The following SIDT1 variants were observed in gnomAD, a reference collection of about 807,000 sequenced individuals.
SIDT1 encodes SID1 transmembrane family, member 1.
In SIDT1, 101 loss-of-function variants were observed where a neutral mutation model predicts 107.5. The observed-to-expected ratio is 0.94, with a 90% CI of 0.80 to 1.11. SIDT1 has a LOEUF of 1.11. SIDT1 is among the 50% of genes least tolerant of loss of function. The pLI is 0.00. For synonymous variants in SIDT1, 395 were observed against 398.2 expected (o/e 0.99, Z 0.10); for missense variants, 1,076 against 1,058.2 (o/e 1.02, Z -0.23).
At chr3:113,615,462 A>C (rs1946037077) in intron 19 of SIDT1, among the ~76,000 whole-genome samples, 1 of 152,216 alleles carries the variant, frequency 6.6e-6, no homozygotes, top group Non-Finnish European at 1.5e-5. Context: ...CTGACTGTTC[A>C]TGTAACATTA....
At chr3:113,614,182 A>G (rs1244061779) in intron 19 of SIDT1, among the ~76,000 whole-genome samples, 2 of 152,184 alleles carry the variant, frequency 1.3e-5, no homozygotes, top group Non-Finnish European at 2.9e-5. Flanking sequence ...CCTCACAGGG[A>G]GGACGCCGGC....
intron 3 of SIDT1, among the ~76,000 whole-genome samples, chr3:113,568,634 A>AGAAAAAAAC (rs1942159936): frequency 6.6e-6 from 1 of 151,826 alleles, no homozygotes; most frequent in Non-Finnish European, 1.5e-5. Context: ...AAGAAAAAAA[A>AGAAAAAAAC]CAGAAATGTA....
intron 14 of SIDT1, 115 bp downstream of exon 14, chr3:113,605,091 TGGG>T: frequency 9.9e-7 from 1 of 1,007,202 alleles, no homozygotes; most frequent in Middle Eastern, 2.8e-4. Context: ...AATTTCCCAT[TGGG>T]GTTCCAATTG....
intron 24 of SIDT1, among the ~76,000 whole-genome samples, chr3:113,626,903 C>A (rs1946893026): frequency 6.6e-6 from 1 of 152,340 alleles, no homozygotes; most frequent in South Asian, 2.1e-4. Flanking sequence ...GATGCCCGGG[C>A]TCCACGCAAA....
At chr3:113,622,246 C>T (rs964582186) in intron 21 of SIDT1, among the ~76,000 whole-genome samples, 4 of 151,868 alleles carry the variant, frequency 2.6e-5, no homozygotes, top group Admixed American at 6.6e-5. Context: ...AGGTGGATCA[C>T]GAGATCAGGA....
In SIDT1 at chr3:113,532,822, G is replaced by A. The variant is rs1360263815; in HGVS notation, c.-200G>A. 9.9e-6 allele frequency: 4 copies of A among 404,672 alleles called. No homozygotes were observed. Among genetic ancestry groups the A allele is most frequent in the Middle Eastern group, 6.3e-4 (1 of 1,594 alleles). The allele number at this position is 404,672 out of a possible 1,614,324, so 25.1% of individuals were successfully genotyped here. On this transcript the variant is annotated 5_prime_UTR_variant, in exon 1 of 25. It introduces an in-frame stop codon into an upstream open reading frame of the 5' UTR. Transcript: ENST00000264852. ...TACTCTCCACCCGTGACCTCCAGTG[G>A]AGACCCCAGGCGGCAGCATCAGTAT...
intron 2 of SIDT1, among the ~76,000 whole-genome samples, chr3:113,567,246 T>C (rs1942003956): frequency 6.6e-6 from 1 of 152,170 alleles, no homozygotes. Context: ...CCCATCAAAT[T>C]GGATATTTAT....
At chr3:113,613,195 C>T (rs1198488535) in intron 19 of SIDT1, among the ~76,000 whole-genome samples, 1 of 152,240 alleles carries the variant, frequency 6.6e-6, no homozygotes, top group Non-Finnish European at 1.5e-5. Context: ...CACAAATAGC[C>T]ACCACTTGGC....
chr3:113,557,639 C>T (rs1205558524), intron 1 of SIDT1, among the ~76,000 whole-genome samples: 1 of 152,152 alleles, frequency 6.6e-6, no homozygotes, highest in Non-Finnish European at 1.5e-5. Flanking sequence ...CAGGAAGAGG[C>T]AAGGAAGTTT....
At chr3:113,567,511 AT>A (rs1008725412) in intron 2 of SIDT1, 28 bp from the exon 3 acceptor site, 12 of 1,565,542 alleles carry the variant, frequency 7.7e-6, no homozygotes, top group Non-Finnish European at 8.7e-6. Context: ...GTCCTTGTTT[AT>A]TTTTTTCCCC....
In SIDT1 at chr3:113,544,441, C is replaced by G. The variant is rs376220605; in HGVS notation, c.222+11198C>G. Among the ~76,000 whole-genome samples the G allele has an allele frequency of 5.3e-5, 8 of 152,278 alleles. No individual in the cohort carries two copies. In the South Asian group the frequency reaches 1.5e-3, roughly 28 times the overall value. On this transcript the variant is annotated intron_variant, in intron 1 of 24. Transcript: ENST00000264852. ...TCCTGACCTTGTGATCCACCCAGCT[C>G]GGCCTCCCAAAGTGCTGGGATTACA...
At position 113,607,100 on chromosome 3, in the gene SIDT1, C is replaced by G; in HGVS notation, c.1464C>G (p.Pro488=). 6.2e-7 allele frequency: 1 copy of G among 1,611,110 alleles called. No individual in the cohort carries two copies. The highest frequency in any genetic ancestry group is 8.5e-7 in the Non-Finnish European group (1 of 1,177,506). The change falls in exon 15 of 25, where the codon CCC becomes CCG. Residue 488 remains proline (P), a synonymous_variant. Coordinates refer to ENST00000264852, the MANE Select transcript of SIDT1 (RefSeq NM_017699.3). Reference sequence around the variant, plus strand: ...ACTACAACTTCCTCTGTGCTCACCCCTTGGGCGTCCTGAGGTAAACCCAGT... The same window carrying G: ...ACTACAACTTCCTCTGTGCTCACCCGTTGGGCGTCCTGAGGTAAACCCAGT... ...ICYYNFLCAH[P]LGVLSAFNNI...
chr3:113,611,279 A>C (rs1945720847), intron 18 of SIDT1, 135 bp downstream of exon 18: 2 of 1,008,696 alleles, frequency 2.0e-6, no homozygotes, highest in Non-Finnish European at 2.9e-6. Flanking sequence ...TCATGACACA[A>C]TTTCATCTCA....
chr3:113,621,475 GA>G (rs1188876894), intron 21 of SIDT1, among the ~76,000 whole-genome samples: 2 of 152,076 alleles, frequency 1.3e-5, no homozygotes, highest in African/African-American at 4.8e-5. Context: ...AAGTCAGTTG[GA>G]ATTCAAAATG....
chr3:113,563,286 A>T (rs1381256370), intron 1 of SIDT1, among the ~76,000 whole-genome samples: 2 of 152,224 alleles, frequency 1.3e-5, no homozygotes, highest in South Asian at 4.1e-4. Context: ...CAAAGACAAA[A>T]TTGCAATCAC....
chr3:113,572,123 A>T (rs1193147498), intron 3 of SIDT1, among the ~76,000 whole-genome samples: 1 of 152,208 alleles, frequency 6.6e-6, no homozygotes, highest in Non-Finnish European at 1.5e-5. Context: ...TATGAGGGGA[A>T]AAAGAAAAGA....
intron 1 of SIDT1, among the ~76,000 whole-genome samples, chr3:113,553,907 C>T (rs1940555055): frequency 1.3e-5 from 2 of 152,142 alleles, no homozygotes; most frequent in African/African-American, 2.4e-5. Context: ...ATTCGCTGGG[C>T]GTAGTGGTGC....
At chr3:113,599,989 T>C (rs1327128813) in intron 10 of SIDT1, among the ~76,000 whole-genome samples, 1 of 152,142 alleles carries the variant, frequency 6.6e-6, no homozygotes, top group Non-Finnish European at 1.5e-5. Context: ...AAACATCATG[T>C]TGTACATCTT....
chr3:113,540,063 C>G (rs555852282), intron 1 of SIDT1, among the ~76,000 whole-genome samples: 1 of 151,676 alleles, frequency 6.6e-6, no homozygotes, highest in African/African-American at 2.4e-5. Flanking sequence ...AAGATGGCCA[C>G]TTGGAGAAAG....
Sources: gnomAD v4.1 joint callset for allele counts (sites outside exome capture counted in the v4.1 genomes callset) on GRCh38, gnomAD v4.1.1 for gene constraint, MANE v1.5 for transcripts, NCBI Gene and HGNC (gene_info 2026-07-23, HGNC 2026-07-21) for gene names.